Variants in ERC2 observed in about 807,000 individuals in gnomAD.
The protein encoded by ERC2 is ELKS/RAB6-interacting/CAST family member 2.
In ERC2, 42 loss-of-function variants were observed where a neutral mutation model predicts 114.8. The observed-to-expected ratio is 0.37, with a 90% CI of 0.29 to 0.47. The LOEUF (loss-of-function observed/expected upper bound fraction) is 0.47. Ranked by LOEUF, ERC2 falls within the 20% of genes least tolerant of loss-of-function variation. The pLI is 0.99. For missense variants in ERC2, 939 were observed against 1,150.7 expected, an observed-to-expected ratio of 0.82 and a Z score of 2.66; for synonymous variants, 454 against 425.5, an observed-to-expected ratio of 1.07 and a Z score of -0.82.
intron 3 of ERC2, among the ~76,000 whole-genome samples, chr3:56,243,667 CAAG>C (rs2150210721): frequency 6.6e-6 from 1 of 152,152 alleles, no homozygotes; most frequent in African/African-American, 2.4e-5. Context: ...ATATTTTAAA[CAAG>C]AAGATGAATT....
chr3:55,570,506 G>A (rs2056643382), intron 17 of ERC2, among the ~76,000 whole-genome samples: 1 of 152,148 alleles, frequency 6.6e-6, no homozygotes, highest in Admixed American at 6.5e-5. Flanking sequence ...GAGTGCAGAG[G>A]GAGGGCCAGG....
At chr3:56,428,941 G>A (rs1406542446) in intron 2 of ERC2, among the ~76,000 whole-genome samples, 1 of 152,156 alleles carries the variant, frequency 6.6e-6, no homozygotes, top group East Asian at 1.9e-4. Flanking sequence ...TTATATTCAT[G>A]CAGAGCCTTG....
At chr3:55,664,499 C>G (rs373433581) in intron 17 of ERC2, among the ~76,000 whole-genome samples, 1 of 152,216 alleles carries the variant, frequency 6.6e-6, no homozygotes, top group South Asian at 2.1e-4. Flanking sequence ...CCCGAGCTCA[C>G]GAACCGCCAT....
chr3:56,142,119 A>G (rs1168480634), intron 5 of ERC2, among the ~76,000 whole-genome samples: 1 of 152,182 alleles, frequency 6.6e-6, no homozygotes, highest in Non-Finnish European at 1.5e-5. Context: ...GGCTGCAGGA[A>G]TATTCACGTT....
In ERC2 at chr3:55,549,458, G is replaced by A. The variant is rs74428478; in HGVS notation, c.*40-38182C>T. On this transcript the variant is annotated intron_variant, in intron 17 of 17. Coordinates refer to ENST00000288221, the MANE Select transcript of ERC2 (RefSeq NM_015576.3). ...CTGAGACAATATGGAAACCAGATGCGGAGCAAATGCCGCCTTACCTTTTTT... is the reference window on the plus strand; with the variant it reads ...CTGAGACAATATGGAAACCAGATGCAGAGCAAATGCCGCCTTACCTTTTTT... 7.6e-3 allele frequency among the ~76,000 whole-genome samples: 1,151 copies of A among 151,024 alleles called. 17 individuals are homozygous for A. Among genetic ancestry groups the A allele is most frequent in the African/African-American group, 0.026 (1,068 of 41,126 alleles).
intron 3 of ERC2, among the ~76,000 whole-genome samples, chr3:56,225,548 T>A (rs1446115840): frequency 6.6e-6 from 1 of 152,228 alleles, no homozygotes; most frequent in Non-Finnish European, 1.5e-5. Context: ...TTTATTGAGA[T>A]ACCCAATCAT....
chr3:56,388,920 A>T (rs1373193623), intron 2 of ERC2, among the ~76,000 whole-genome samples: 1 of 152,204 alleles, frequency 6.6e-6, no homozygotes, highest in Admixed American at 6.5e-5. Flanking sequence ...AACCTTTAAA[A>T]TCAACATTAA....
intron 14 of ERC2, among the ~76,000 whole-genome samples, chr3:55,785,544 C>G (rs1336141279): frequency 1.3e-5 from 2 of 152,208 alleles, no homozygotes; most frequent in African/African-American, 4.8e-5. Flanking sequence ...CTGCATTCCT[C>G]AACCTCAACT....
At chr3:55,601,913 AC>A (rs1424425106) in intron 17 of ERC2, among the ~76,000 whole-genome samples, 1 of 152,026 alleles carries the variant, frequency 6.6e-6, no homozygotes, top group Non-Finnish European at 1.5e-5. Flanking sequence ...CAGAGTAAGT[AC>A]TCCACTTCCT....
intron 17 of ERC2, among the ~76,000 whole-genome samples, chr3:55,542,403 T>C (rs1559623824): frequency 6.6e-6 from 1 of 152,176 alleles, no homozygotes; most frequent in Non-Finnish European, 1.5e-5. Flanking sequence ...CAGAAGGTAT[T>C]GGTTAAGCCA....
intron 17 of ERC2, among the ~76,000 whole-genome samples, chr3:55,586,207 T>C (rs1284459741): frequency 6.6e-6 from 1 of 152,164 alleles, no homozygotes; most frequent in Non-Finnish European, 1.5e-5. Context: ...AAGAGGGGGT[T>C]GTATTTTCCC....
chr3:56,329,691 G>A (rs1322671879), intron 2 of ERC2, among the ~76,000 whole-genome samples: 1 of 152,076 alleles, frequency 6.6e-6, no homozygotes, highest in Non-Finnish European at 1.5e-5. Flanking sequence ...ACTACAGATG[G>A]AGACCTAATC....
At chr3:55,997,878 CTG>C (rs2071651800) in intron 10 of ERC2, among the ~76,000 whole-genome samples, 1 of 28,938 alleles carries the variant, frequency 3.5e-5, no homozygotes, top group Non-Finnish European at 6.4e-5. Context: ...CATCTTAATT[CTG>C]TTTTTTTTTT....
chr3:55,583,971 T>A (rs895610419), intron 17 of ERC2, among the ~76,000 whole-genome samples: 2 of 152,188 alleles, frequency 1.3e-5, no homozygotes, highest in Admixed American at 6.5e-5. Flanking sequence ...TCACTTATTA[T>A]GTGATTCTGG....
chr3:56,220,831 A>C (rs529994740), intron 3 of ERC2, among the ~76,000 whole-genome samples: 1 of 152,336 alleles, frequency 6.6e-6, no homozygotes, highest in African/African-American at 2.4e-5. Context: ...GTGGGAGTCA[A>C]GTTCTGCTTC....
At chr3:55,591,357 A>C (rs1287677849) in intron 17 of ERC2, among the ~76,000 whole-genome samples, 1 of 152,052 alleles carries the variant, frequency 6.6e-6, no homozygotes, top group Non-Finnish European at 1.5e-5. Context: ...GTGACTGGGA[A>C]GTGAAGTCTG....
intron 6 of ERC2, among the ~76,000 whole-genome samples, chr3:56,091,878 T>C (rs2077812303): frequency 1.3e-5 from 2 of 152,136 alleles, no homozygotes; most frequent in Admixed American, 1.3e-4. Context: ...AGTAGAGTAA[T>C]ACTGAATCAG....
At chr3:56,146,212 G>C (rs1249079491) in intron 5 of ERC2, among the ~76,000 whole-genome samples, 2 of 152,076 alleles carry the variant, frequency 1.3e-5, no homozygotes, top group African/African-American at 4.8e-5. Context: ...GGTTGAACCT[G>C]GGAGGTAGAG....
intron 5 of ERC2, among the ~76,000 whole-genome samples, chr3:56,148,106 G>C (rs1560256753): frequency 1.3e-5 from 2 of 152,098 alleles, no homozygotes; most frequent in African/African-American, 4.8e-5. Context: ...GGGACTAAGG[G>C]CTTTAAATGA....
Sources: allele counts gnomAD v4.1 joint callset (sites outside exome capture counted in the v4.1 genomes callset), GRCh38; gene constraint gnomAD v4.1.1; transcripts MANE v1.5; gene names NCBI Gene and HGNC (gene_info 2026-07-23, HGNC 2026-07-21).